Variants in PTPRG observed in about 807,000 individuals in gnomAD.
The protein encoded by PTPRG is protein tyrosine phosphatase receptor type G.
In PTPRG, 102 loss-of-function variants were observed where a neutral mutation model predicts 165.3. The observed-to-expected ratio is 0.62, with a 90% CI of 0.53 to 0.73. The LOEUF (loss-of-function observed/expected upper bound fraction) is 0.73. Among genes scored for constraint, PTPRG ranks in the 30% least tolerant of loss-of-function variants. The pLI, the probability that PTPRG is intolerant of heterozygous loss-of-function variation, is 0.00. For missense variants in PTPRG, 1,866 were observed against 1,861.4 expected, an observed-to-expected ratio of 1.00 and a Z score of -0.05; for synonymous variants, 675 against 669.5, an observed-to-expected ratio of 1.01 and a Z score of -0.13.
At chr3:61,710,319 T>C (rs2031488070) in intron 1 of PTPRG, among the ~76,000 whole-genome samples, 1 of 152,252 alleles carries the variant, frequency 6.6e-6, no homozygotes, top group South Asian at 2.1e-4. Flanking sequence ...TAGCATCAAT[T>C]ATTGATATTT....
rs977786365 is a variant in PTPRG at position 62,178,073 on chromosome 3, G to C, written c.1033+9910G>C. Among the ~76,000 whole-genome samples, 7 of 152,108 alleles carry C rather than the reference G, an allele frequency of 4.6e-5. No individual in the cohort carries two copies. In the South Asian group the frequency reaches 1.5e-3, roughly 32 times the overall value. On this transcript the variant is annotated intron_variant, in intron 8 of 29. Transcript: ENST00000474889. The stretch of plus-strand genomic sequence containing the variant: ...TGGGTGGGTGGATGGATGGATGGAT[G>C]AAAATGTGAATCCATGGATGGATAA...
intron 2 of PTPRG, among the ~76,000 whole-genome samples, chr3:61,938,425 C>T (rs1016241996): frequency 6.6e-6 from 1 of 152,016 alleles, no homozygotes; most frequent in African/African-American, 2.4e-5. Context: ...TCATACATTT[C>T]CCTGGAGTTT....
chr3:62,239,569 C>T (rs1701112240), intron 14 of PTPRG, among the ~76,000 whole-genome samples: 1 of 151,826 alleles, frequency 6.6e-6, no homozygotes, highest in Admixed American at 6.6e-5. Context: ...GGGGTTTCAC[C>T]ATCTTGGCCA....
intron 1 of PTPRG, among the ~76,000 whole-genome samples, chr3:61,681,812 GA>G (rs1343481215): frequency 1.3e-5 from 2 of 151,866 alleles, no homozygotes; most frequent in African/African-American, 4.8e-5. Flanking sequence ...GACCATGGAG[GA>G]AAATTGAAAA....
At chr3:62,151,569 G>A (rs1267866144) in intron 6 of PTPRG, among the ~76,000 whole-genome samples, 8 of 150,292 alleles carry the variant, frequency 5.3e-5, no homozygotes, top group Non-Finnish European at 1.0e-4. Flanking sequence ...TACAGCACCC[G>A]GGATCCTTGA....
At chr3:61,880,639 A>C (rs1458162244) in intron 2 of PTPRG, among the ~76,000 whole-genome samples, 1 of 151,620 alleles carries the variant, frequency 6.6e-6, no homozygotes, top group South Asian at 2.1e-4. Context: ...AAAAAAAAAA[A>C]AAAAAGAGAG....
intron 2 of PTPRG, among the ~76,000 whole-genome samples, chr3:61,854,699 C>T (rs1425708973): frequency 6.6e-6 from 1 of 152,106 alleles, no homozygotes; most frequent in Non-Finnish European, 1.5e-5. Flanking sequence ...GTAAGAAGAG[C>T]AGTCTCATGT....
At chr3:62,274,229 T>C (rs1234248478) in intron 23 of PTPRG, among the ~76,000 whole-genome samples, 1 of 152,154 alleles carries the variant, frequency 6.6e-6, no homozygotes, top group Non-Finnish European at 1.5e-5. Flanking sequence ...CCTAAAAATA[T>C]GCCTATTTCA....
chr3:62,103,406 A>G (rs1702361374), intron 5 of PTPRG, among the ~76,000 whole-genome samples: 1 of 152,106 alleles, frequency 6.6e-6, no homozygotes, highest in Non-Finnish European at 1.5e-5. Context: ...ATTCTTCTAA[A>G]GGAATAAACT....
chr3:61,618,975 C>CAA (rs57427703), intron 1 of PTPRG, among the ~76,000 whole-genome samples: 4 of 72,944 alleles, frequency 5.5e-5, no homozygotes, highest in Non-Finnish European at 8.8e-5. Context: ...GATCCTGTCT[C>CAA]AAAAAAAAAA....
At chr3:61,694,574 A>G (rs1469882579) in intron 1 of PTPRG, among the ~76,000 whole-genome samples, 3 of 152,220 alleles carry the variant, frequency 2.0e-5, no homozygotes, top group Non-Finnish European at 2.9e-5. Flanking sequence ...TCCCATGGAA[A>G]AACTGCATAT....
chr3:61,788,944 G>T (rs1310293681), intron 2 of PTPRG, among the ~76,000 whole-genome samples: 1 of 152,094 alleles, frequency 6.6e-6, no homozygotes, highest in East Asian at 1.9e-4. Context: ...TCTCACTTTG[G>T]GACTTAGTCA....
chr3:62,010,554 C>T (rs1039087466), intron 4 of PTPRG, among the ~76,000 whole-genome samples: 1 of 151,588 alleles, frequency 6.6e-6, no homozygotes, highest in African/African-American at 2.4e-5. Flanking sequence ...TGAAGTTTTC[C>T]TGTGTTGCCC....
Position 62,203,816 on chromosome 3 carries a change from C to G in PTPRG, c.2021C>G (p.Thr674Ser). ...CTGGACCCCGACATGGTCACCTCCA[C>G]CCAAGTGCCCCCCACCGCCACAGAG... is the stretch of plus-strand genomic sequence containing the variant. ...PGLDPDMVTSTQVPPTATEEQ... is the reference protein window; with the variant it reads ...PGLDPDMVTSSQVPPTATEEQ... The change falls in exon 12 of 30, where the codon ACC (threonine) becomes AGC (serine). Residue 674 changes from threonine to serine, a missense_variant. Thr to Ser is a moderately conservative substitution (Grantham distance 58). Coordinates refer to ENST00000474889, the MANE Select transcript of PTPRG (RefSeq NM_002841.4). This position sits in a 1 kb window ranked among gnomAD's most constrained non-coding sequence, Gnocchi z 6.4. The G allele has an allele frequency of 6.2e-7, 1 of 1,614,026 alleles. No individual in the cohort carries two copies.
At chr3:61,628,858 G>A (rs1358305895) in intron 1 of PTPRG, among the ~76,000 whole-genome samples, 1 of 152,188 alleles carries the variant, frequency 6.6e-6, no homozygotes, top group Non-Finnish European at 1.5e-5. Context: ...AGGAAACTGA[G>A]CTTGAGTAAC....
In PTPRG at chr3:62,222,142, G is replaced by T. The variant is rs1222089737; in HGVS notation, c.2288+3159G>T. Among the ~76,000 whole-genome samples, 1 of 152,166 alleles carries T rather than the reference G, an allele frequency of 6.6e-6. No homozygotes were observed. The highest frequency in any genetic ancestry group is 1.5e-5 in the Non-Finnish European group (1 of 68,032). On this transcript the variant is annotated intron_variant, in intron 13 of 29. Transcript: ENST00000474889. This position sits in a 1 kb window ranked among gnomAD's most constrained non-coding sequence, Gnocchi z 4.5. ...ATATCATCACCAGAACCCTTTTGTT[G>T]TTCAGAACCCTTTTCTATTGCAGTT...
chr3:62,129,693 G>T (rs1221328126), intron 5 of PTPRG, among the ~76,000 whole-genome samples: 1 of 152,164 alleles, frequency 6.6e-6, no homozygotes, highest in East Asian at 1.9e-4. Context: ...TCTCAACACT[G>T]TTGCACTGGG....
intron 1 of PTPRG, among the ~76,000 whole-genome samples, chr3:61,580,316 A>AT (rs946900936): frequency 6.6e-6 from 1 of 151,736 alleles, no homozygotes; most frequent in Non-Finnish European, 1.5e-5. Context: ...TTATACTCAG[A>AT]TTTTCGACCG....
intron 6 of PTPRG, among the ~76,000 whole-genome samples, chr3:62,156,240 A>G (rs1704533432): frequency 6.6e-6 from 1 of 151,946 alleles, no homozygotes; most frequent in Non-Finnish European, 1.5e-5. Flanking sequence ...AGTGCCTTCT[A>G]TGGCTGAGTC....
Sources: allele counts gnomAD v4.1 joint callset (sites outside exome capture counted in the v4.1 genomes callset), GRCh38; gene constraint gnomAD v4.1.1; non-coding constraint Gnocchi (gnomAD v3.1); transcripts MANE v1.5; gene names NCBI Gene and HGNC (gene_info 2026-07-23, HGNC 2026-07-21).